Variants in B4GALT2 observed in about 807,000 individuals in gnomAD.
B4GALT2 encodes the protein beta-1,4-galactosyltransferase 2, also known as N-acetyllactosamine synthase.
Under a neutral mutation model 33.2 loss-of-function variants are expected in B4GALT2, and 18 were observed. The ratio of observed to expected loss-of-function variants is 0.54; its 90% CI spans 0.38 to 0.80. The LOEUF is 0.80. Among genes scored for constraint, B4GALT2 ranks in the 30% least tolerant of loss-of-function variants. B4GALT2 has a pLI of 0.00. For synonymous variants in B4GALT2, 214 were observed against 217.6 expected (o/e 0.98, Z 0.15); for missense variants, 404 against 526.2 (o/e 0.77, Z 2.27).
chr1:43,980,151 G>T, intron 1 of B4GALT2: 3 of 1,243,850 alleles, frequency 2.4e-6, no homozygotes, highest in Non-Finnish European at 3.2e-6. Context: ...GTGTCCCTGT[G>T]ATTCTGTGTG....
At position 43,981,028 on chromosome 1, in the gene B4GALT2, G is replaced by A. The variant is rs2085587871; in HGVS notation, c.-52-81G>A. ...TGTGAGGTGTGGCCCACGAGTGTGA[G>A]CAGCTGAGTGGGAGGTAGGTGGGCA... On this transcript the variant is annotated intron_variant, in intron 1 of 6. Coordinates refer to ENST00000372324, the MANE Select transcript of B4GALT2 (RefSeq NM_003780.5). This position sits in a 1 kb window ranked among gnomAD's most constrained non-coding sequence, Gnocchi z 8.1. 6.9e-7 allele frequency: 1 copy of A among 1,450,356 alleles called. No homozygotes were observed. Among genetic ancestry groups the A allele is most frequent in the Non-Finnish European group, 9.1e-7 (1 of 1,097,786 alleles). The allele number at this position is 1,450,356 out of a possible 1,614,324, so 89.8% of individuals were successfully genotyped here. A position where few individuals can be genotyped will look rare whatever the true frequency, so the allele number is the denominator to read the frequency against.
At position 43,982,012 on chromosome 1, in the gene B4GALT2, G is replaced by T. The variant is rs1251279739; in HGVS notation, c.549+88G>T. 2 of 1,334,234 alleles carry T rather than the reference G, an allele frequency of 1.5e-6. No homozygotes were observed. Among genetic ancestry groups the T allele is most frequent in the Non-Finnish European group, 2.1e-6 (2 of 955,060 alleles). The allele number at this position is 1,334,234 out of a possible 1,614,324, so 82.6% of individuals were successfully genotyped here. A position where few individuals can be genotyped will look rare whatever the true frequency, so the allele number is the denominator to read the frequency against. On this transcript the variant is annotated intron_variant, in intron 3 of 6. Coordinates refer to ENST00000372324, the MANE Select transcript of B4GALT2 (RefSeq NM_003780.5). The surrounding 1 kb of genome is among the most constrained non-coding windows in gnomAD (Gnocchi z 4.3). ...TCCTTGTCTGCCCGTGTGGATATGT[G>T]GATGGACCTGGGCGTGGGTAGTCGG...
rs748611876 is a variant in B4GALT2 at position 43,981,141 on chromosome 1, G to A, written c.-20G>A. On this transcript the variant is annotated 5_prime_UTR_variant, in exon 2 of 7. Coordinates refer to ENST00000372324, the MANE Select transcript of B4GALT2 (RefSeq NM_003780.5). The surrounding 1 kb of genome is among the most constrained non-coding windows in gnomAD (Gnocchi z 8.1). ...GCCGGATGCCCGGGCCCACTGGGCG[G>A]GCCAGTGGCCGCCTGCGGGATGAGC... 1 of 1,596,812 alleles carries A rather than the reference G, an allele frequency of 6.3e-7. No individual in the cohort carries two copies. Among genetic ancestry groups the A allele is most frequent in the Non-Finnish European group, 8.5e-7 (1 of 1,178,720 alleles).
At chr1:43,985,108 G>A (rs2085641870) in intron 4 of B4GALT2, 53 bp downstream of exon 4, 1 of 1,599,006 alleles carries the variant, frequency 6.3e-7, no homozygotes, top group East Asian at 2.2e-5. Context: ...ACCAGACGCA[G>A]GCCCACTTCC....
In B4GALT2 at chr1:43,979,357, G is replaced by A; in HGVS notation, c.-207G>A. The A allele has an allele frequency of 6.9e-6, 1 of 145,094 alleles. No homozygotes were observed. The highest frequency in any genetic ancestry group is 1.5e-5 in the Non-Finnish European group (1 of 65,620). 9.0% of individuals were successfully genotyped at this position (145,094 alleles called of 1,614,324 possible). On this transcript the variant is annotated 5_prime_UTR_variant, in exon 1 of 7. Coordinates refer to ENST00000372324, the MANE Select transcript of B4GALT2 (RefSeq NM_003780.5). The surrounding 1 kb of genome is among the most constrained non-coding windows in gnomAD (Gnocchi z 4.8). The stretch of plus-strand genomic sequence containing the variant: ...GGCCCGCGGCGGCGGCGGCGGCGGC[G>A]GCGGCGGGAGGCGACCCGGGGGCCG...
At chr1:43,980,785 T>A (rs1323532627) in intron 1 of B4GALT2, among the ~76,000 whole-genome samples, 1 of 152,138 alleles carries the variant, frequency 6.6e-6, no homozygotes, top group Non-Finnish European at 1.5e-5. Context: ...TTCACGTGTC[T>A]GTGTTCCTGG....
Position 43,981,377 on chromosome 1 carries a change from A to C in B4GALT2, c.217A>C (p.Thr73Pro), listed in dbSNP as rs770551686. ...CAGCAACTGCTCCCGGCCCAACGCC[A>C]CCGCCTCTAGCTCCGGGCTCCCTGA... ...SSSNCSRPNA[T>P]ASSSGLPEVP... Residue 73 changes from threonine (T) to proline (P), a missense_variant, in exon 2 of 7, where the codon ACC becomes CCC. By Grantham distance (38) the Thr-to-Pro change is conservative (BLOSUM62 -1). Transcript: ENST00000372324. This position sits in a 1 kb window ranked among gnomAD's most constrained non-coding sequence, Gnocchi z 8.1. 5.6e-6 allele frequency: 9 copies of C among 1,598,528 alleles called. No homozygotes were observed. Among genetic ancestry groups the C allele is most frequent in the Non-Finnish European group, 3.4e-6 (4 of 1,179,722 alleles).
chr1:43,979,862 G>A lies in B4GALT2; in HGVS notation c.-53+351G>A, dbSNP rs893068683. 7.5e-6 allele frequency: 6 copies of A among 795,386 alleles called. No individual in the cohort carries two copies. Among genetic ancestry groups the A allele is most frequent in the Non-Finnish European group, 1.2e-5 (6 of 510,932 alleles). The allele number at this position is 795,386 out of a possible 1,614,324, so 49.3% of individuals were successfully genotyped here. Reference sequence around the variant, plus strand: ...CCCACCCGGTCTGTGCGGCCTGCCCGTCCGCGGGTGCCACGTGTTCAGCCT... The same window carrying A: ...CCCACCCGGTCTGTGCGGCCTGCCCATCCGCGGGTGCCACGTGTTCAGCCT... On this transcript the variant is annotated intron_variant, in intron 1 of 6. Transcript: ENST00000372324. The surrounding 1 kb of genome is among the most constrained non-coding windows in gnomAD (Gnocchi z 4.8).
At position 43,981,052 on chromosome 1, in the gene B4GALT2, C is replaced by T. The variant is rs751751243; in HGVS notation, c.-52-57C>T. The stretch of plus-strand genomic sequence containing the variant: ...AGCAGCTGAGTGGGAGGTAGGTGGG[C>T]AGCCTTGCCTGTCCTGCCCTGACCT... On this transcript the variant is annotated intron_variant, in intron 1 of 6. Coordinates refer to ENST00000372324, the MANE Select transcript of B4GALT2 (RefSeq NM_003780.5). The surrounding 1 kb of genome is among the most constrained non-coding windows in gnomAD (Gnocchi z 8.1). 1.8e-4 allele frequency: 262 copies of T among 1,472,246 alleles called. No homozygotes were observed. The highest frequency in any genetic ancestry group is 2.2e-4 in the Non-Finnish European group (241 of 1,110,986). 91.2% of individuals were successfully genotyped at this position (1,472,246 alleles called of 1,614,324 possible).
At position 43,981,714 on chromosome 1, in the gene B4GALT2, C is replaced by T. The variant is rs1442884774; in HGVS notation, c.339C>T (p.Thr113=). Residue 113 remains threonine, a synonymous_variant, in exon 3 of 7, where the codon ACC becomes ACT. Coordinates refer to ENST00000372324, the MANE Select transcript of B4GALT2 (RefSeq NM_003780.5). This position sits in a 1 kb window ranked among gnomAD's most constrained non-coding sequence, Gnocchi z 8.1. ...GLVGRLLIEF[T]SPMPLERVQR... ...TGGGCAGACTGCTGATCGAGTTCAC[C>T]TCACCCATGCCCCTGGAGCGGGTGC... 1.9e-6 allele frequency: 3 copies of T among 1,612,156 alleles called. No homozygotes were observed. The highest frequency in any genetic ancestry group is 2.5e-6 in the Non-Finnish European group (3 of 1,179,272).
rs1364499087 is a variant in B4GALT2, at chr1:43,984,257, C to T, written c.550-608C>T. Among the ~76,000 whole-genome samples the T allele has an allele frequency of 6.6e-6, 1 of 152,234 alleles. No homozygotes were observed. The highest frequency in any genetic ancestry group is 2.4e-5 in the African/African-American group (1 of 41,470). ...AGGCTGCCCAGGCAGCCGGATGCAG[C>T]TCCAGGGAGCCTGAGGCTCCTGCAT... On this transcript the variant is annotated intron_variant, in intron 3 of 6. Transcript: ENST00000372324. This position sits in a 1 kb window ranked among gnomAD's most constrained non-coding sequence, Gnocchi z 5.6.
intron 1 of B4GALT2, chr1:43,980,314 CAG>C (rs2085580491): frequency 2.5e-6 from 1 of 394,134 alleles, no homozygotes; most frequent in Admixed American, 4.7e-5. Flanking sequence ...TTCCGGGAAT[CAG>C]AACCAGCTGT....
In B4GALT2 at chr1:43,979,653, TGCCCCCACCCC is replaced by T. The variant is rs2085571555; in HGVS notation, c.-53+151_-53+161del. The T allele has an allele frequency of 1.0e-5, 2 of 195,026 alleles. No individual in the cohort carries two copies. 12.1% of individuals were successfully genotyped at this position (195,026 alleles called of 1,614,324 possible). A position where few individuals can be genotyped will look rare whatever the true frequency, so the allele number is the denominator to read the frequency against. Reference sequence around the variant, plus strand: ...GCCGGCGGCCAGACCCCGGCCTGGCTGCCCCCACCCCGCCCCCACTCCGGCGCCCCTCCTGG... The same window carrying T: ...GCCGGCGGCCAGACCCCGGCCTGGCTGCCCCCACTCCGGCGCCCCTCCTGG... On this transcript the variant is annotated intron_variant, in intron 1 of 6. Coordinates refer to ENST00000372324, the MANE Select transcript of B4GALT2 (RefSeq NM_003780.5). This position sits in a 1 kb window ranked among gnomAD's most constrained non-coding sequence, Gnocchi z 4.8.
Position 43,981,421 on chromosome 1 carries a change from C to T in B4GALT2, c.261C>T (p.Pro87=), listed in dbSNP as rs374651243. 3.7e-5 allele frequency: 59 copies of T among 1,594,772 alleles called. No individual in the cohort carries two copies. Among genetic ancestry groups the T allele is most frequent in the East Asian group, 1.1e-4 (5 of 44,740 alleles). The stretch of plus-strand genomic sequence containing the variant: ...TCCCTGAGGTCCCCAGTGCCCTGCC[C>T]GGTCCCACGGCTCCCACGCTGCCAC... The part of the protein sequence containing the change: ...SGLPEVPSAL[P]GPTAPTLPPC... Residue 87 remains proline (P), a synonymous_variant, in exon 2 of 7, where the codon CCC becomes CCT. Coordinates refer to ENST00000372324, the MANE Select transcript of B4GALT2 (RefSeq NM_003780.5). The surrounding 1 kb of genome is among the most constrained non-coding windows in gnomAD (Gnocchi z 8.1).
intron 6 of B4GALT2, among the ~76,000 whole-genome samples, chr1:43,988,703 C>T (rs1265787356): frequency 2.6e-5 from 4 of 151,446 alleles, no homozygotes; most frequent in African/African-American, 4.9e-5. Flanking sequence ...AACAAAAAGC[C>T]GGACGTGGTG....
intron 6 of B4GALT2, among the ~76,000 whole-genome samples, chr1:43,986,705 G>A (rs1193109174): frequency 6.6e-6 from 1 of 152,240 alleles, no homozygotes; most frequent in African/African-American, 2.4e-5. Context: ...TACCTGATGG[G>A]AGGTTAACTT....
At position 43,990,805 on chromosome 1, in the gene B4GALT2, C is replaced by T; in HGVS notation, c.*357C>T. Reference sequence around the variant, plus strand: ...TGCCTCAGTTTCCCCCCCTTGAGTCCCCTAGGGCCTGGAAGGGTGGGAGGT... The same window carrying T: ...TGCCTCAGTTTCCCCCCCTTGAGTCTCCTAGGGCCTGGAAGGGTGGGAGGT... On this transcript the variant is annotated 3_prime_UTR_variant, in exon 7 of 7. Transcript: ENST00000372324. The T allele has an allele frequency of 3.5e-6, 1 of 283,142 alleles. No homozygotes were observed. 17.5% of individuals were successfully genotyped at this position (283,142 alleles called of 1,614,324 possible).
chr1:43,984,758 G>A lies in B4GALT2; in HGVS notation c.550-107G>A. 8.5e-7 allele frequency: 1 copy of A among 1,175,546 alleles called. No individual in the cohort carries two copies. The highest frequency in any genetic ancestry group is 1.2e-6 in the Non-Finnish European group (1 of 838,612). 72.8% of individuals were successfully genotyped at this position (1,175,546 alleles called of 1,614,324 possible). A position where few individuals can be genotyped will look rare whatever the true frequency, so the allele number is the denominator to read the frequency against. On this transcript the variant is annotated intron_variant, in intron 3 of 6. Coordinates refer to ENST00000372324, the MANE Select transcript of B4GALT2 (RefSeq NM_003780.5). This position sits in a 1 kb window ranked among gnomAD's most constrained non-coding sequence, Gnocchi z 5.6. Reference sequence around the variant, plus strand: ...GATCCTGAGAGCCTGGAGGAGCCATGCAGCGAGGGGGCTGGTAGATCCCCA... The same window carrying A: ...GATCCTGAGAGCCTGGAGGAGCCATACAGCGAGGGGGCTGGTAGATCCCCA...
At chr1:43,987,753 C>T (rs1225456441) in intron 6 of B4GALT2, among the ~76,000 whole-genome samples, 1 of 152,200 alleles carries the variant, frequency 6.6e-6, no homozygotes, top group Non-Finnish European at 1.5e-5. Context: ...GAGCTGCTCG[C>T]TCTGACTTAG....
Sources: allele counts gnomAD v4.1 joint callset (sites outside exome capture counted in the v4.1 genomes callset), GRCh38; gene constraint gnomAD v4.1.1; non-coding constraint Gnocchi (gnomAD v3.1); transcripts MANE v1.5; gene names NCBI Gene and HGNC (gene_info 2026-07-23, HGNC 2026-07-21).